Variants in SV2C observed in about 807,000 individuals in gnomAD.
SV2C encodes solute carrier family 22 member B3.
In SV2C, 49 loss-of-function variants were observed where a neutral mutation model predicts 79.7. The observed-to-expected ratio is 0.61, with a 90% CI of 0.49 to 0.78. SV2C has a LOEUF of 0.78. Ranked by LOEUF, SV2C falls within the 30% of genes least tolerant of loss-of-function variation. The probability of loss-of-function intolerance (pLI) is 0.00; values close to 1 mark genes in which losing one functional copy is unlikely to be tolerated. For synonymous variants in SV2C, 334 were observed against 333.2 expected (o/e 1.00, Z -0.03); for missense variants, 833 against 912.9 (o/e 0.91, Z 1.13).
chr5:76,269,135 G>A (rs1746763371), intron 4 of SV2C, among the ~76,000 whole-genome samples: 1 of 152,124 alleles, frequency 6.6e-6, no homozygotes, highest in South Asian at 2.1e-4. Flanking sequence ...TTTGAAGGTG[G>A]TGAGCCTGTC....
At chr5:75,876,212 A>G in the SV2C span, among the ~76,000 whole-genome samples, 2 of 152,202 alleles carry the variant, frequency 1.3e-5, no homozygotes, top group Non-Finnish European at 2.9e-5. Flanking sequence ...AACATGGTAC[A>G]TATACATCAT....
At chr5:76,344,093 C>A (rs1267853202) in intron 12 of SV2C, among the ~76,000 whole-genome samples, 1 of 152,158 alleles carries the variant, frequency 6.6e-6, no homozygotes, top group Non-Finnish European at 1.5e-5. Context: ...CAACCTCTGC[C>A]CCCTGCCCAT....
At chr5:75,928,665 G>C in the SV2C span, among the ~76,000 whole-genome samples, 2 of 152,082 alleles carry the variant, frequency 1.3e-5, no homozygotes, top group Non-Finnish European at 2.9e-5. Context: ...TGGGGAGTAG[G>C]CACTGAACCC....
At chr5:75,865,654 G>A in the SV2C span, among the ~76,000 whole-genome samples, 1 of 152,210 alleles carries the variant, frequency 6.6e-6, no homozygotes, top group Non-Finnish European at 1.5e-5. Context: ...CAACTGTTCA[G>A]GAGCCTAGGA....
At chr5:76,241,796 G>A (rs530865165) in intron 4 of SV2C, among the ~76,000 whole-genome samples, 6 of 152,214 alleles carry the variant, frequency 3.9e-5, no homozygotes, top group East Asian at 1.9e-4. Context: ...AAAACTAGAA[G>A]GGAAAGGTGT....
At chr5:76,111,766 T>G (rs73130239) in intron 1 of SV2C, among the ~76,000 whole-genome samples, 3,398 of 152,324 alleles carry the variant, frequency 0.022, 133 homozygotes, top group African/African-American at 0.079. Flanking sequence ...GAGTCATGTT[T>G]GTTGGCAAGA....
At chr5:75,994,120 G>A in the SV2C span, among the ~76,000 whole-genome samples, 9 of 152,168 alleles carry the variant, frequency 5.9e-5, no homozygotes, top group East Asian at 1.5e-3. Flanking sequence ...GCCTCAAATA[G>A]GACTGCTTCT....
chr5:75,918,419 G>T, the SV2C span, among the ~76,000 whole-genome samples: 1 of 152,178 alleles, frequency 6.6e-6, no homozygotes, highest in Non-Finnish European at 1.5e-5. Context: ...TTATTTCAAT[G>T]ACAATTTGGT....
At chr5:76,255,741 C>T (rs893770734) in intron 4 of SV2C, among the ~76,000 whole-genome samples, 1 of 152,108 alleles carries the variant, frequency 6.6e-6, no homozygotes, top group Non-Finnish European at 1.5e-5. Flanking sequence ...ACCTTATGCG[C>T]CCCCCTCACC....
intron 1 of SV2C, among the ~76,000 whole-genome samples, chr5:76,101,199 G>A (rs1351167150): frequency 6.6e-6 from 1 of 152,046 alleles, no homozygotes; most frequent in South Asian, 2.1e-4. Context: ...GGCAGTGGTG[G>A]GAGATTGAGC....
At chr5:76,010,255 T>C in the SV2C span, among the ~76,000 whole-genome samples, 1 of 152,114 alleles carries the variant, frequency 6.6e-6, no homozygotes. Context: ...AAATTCATAA[T>C]TACGGGAGCC....
At chr5:76,301,022 T>G in intron 11 of SV2C, 90 bp downstream of exon 11, 2 of 1,386,586 alleles carry the variant, frequency 1.4e-6, no homozygotes, top group Non-Finnish European at 2.0e-6. Context: ...TATTAGGGAT[T>G]TGCATCCAAT....
chr5:76,285,113 G>A, intron 4 of SV2C, 49 bp from the exon 5 acceptor site: 2 of 1,606,330 alleles, frequency 1.2e-6, no homozygotes, highest in Non-Finnish European at 1.7e-6. Context: ...GTTCCCAGGA[G>A]GCTGTCTGGG....
At chr5:76,051,398 T>C in the SV2C span, among the ~76,000 whole-genome samples, 1 of 152,206 alleles carries the variant, frequency 6.6e-6, no homozygotes, top group East Asian at 1.9e-4. Context: ...TTCATTACTT[T>C]ATGCAATAAT....
the SV2C span, among the ~76,000 whole-genome samples, chr5:75,852,526 C>G: frequency 4.6e-5 from 7 of 152,104 alleles, no homozygotes; most frequent in Non-Finnish European, 1.0e-4. Flanking sequence ...ACAAATAACA[C>G]TTTTCAATCT....
At chr5:75,909,172 A>G in the SV2C span, among the ~76,000 whole-genome samples, 3 of 152,166 alleles carry the variant, frequency 2.0e-5, no homozygotes, top group Non-Finnish European at 2.9e-5. Context: ...ACTGATTTCC[A>G]CGGTGCCATG....
At chr5:75,995,081 C>T in the SV2C span, among the ~76,000 whole-genome samples, 133 of 47,518 alleles carry the variant, frequency 2.8e-3, 1 homozygote, top group African/African-American at 0.018. Flanking sequence ...CTCTTCTCTG[C>T]CTTTTTTTTT....
the SV2C span, among the ~76,000 whole-genome samples, chr5:75,891,874 C>G: frequency 6.6e-6 from 1 of 151,972 alleles, no homozygotes; most frequent in African/African-American, 2.4e-5. Context: ...CCAGCACCAC[C>G]CATTCATGTT....
At chr5:76,065,681 G>T in the SV2C span, among the ~76,000 whole-genome samples, 77,819 of 151,914 alleles carry the variant, frequency 0.51, 20,747 homozygotes, top group East Asian at 0.72. Context: ...TAGGTTTTTC[G>T]CTTAATATAA....
Sources: allele counts gnomAD v4.1 joint callset (sites outside exome capture counted in the v4.1 genomes callset), GRCh38; gene constraint gnomAD v4.1.1; transcripts MANE v1.5; gene names NCBI Gene and HGNC (gene_info 2026-07-23, HGNC 2026-07-21).